The following CERKL variants were observed in gnomAD, a reference collection of about 807,000 sequenced individuals.
CERKL encodes the protein ceramide kinase-like protein.
CERKL carries 61 observed loss-of-function variants against 63.4 expected under a neutral mutation model. That is an observed-to-expected ratio of 0.96 (90% confidence interval 0.78 to 1.19). The LOEUF is 1.19. Among genes scored for constraint, CERKL ranks in the 50% most tolerant of loss-of-function variants. The probability of loss-of-function intolerance (pLI) is 0.00; values close to 1 mark genes in which losing one functional copy is unlikely to be tolerated. For missense variants in CERKL, 675 were observed against 655.5 expected (o/e 1.03, Z -0.33); for synonymous variants, 250 against 230.5 (o/e 1.08, Z -0.77).
At chr2:181,578,213 CAT>C (rs1282459319) in intron 2 of CERKL, among the ~76,000 whole-genome samples, 12 of 151,298 alleles carry the variant, frequency 7.9e-5, no homozygotes, top group African/African-American at 1.9e-4. Flanking sequence ...TATATACACA[CAT>C]ATATATACAC....
chr2:181,586,136 G>GA (rs572299915), intron 2 of CERKL, among the ~76,000 whole-genome samples: 98 of 151,362 alleles, frequency 6.5e-4, no homozygotes, highest in African/African-American at 2.2e-3. Context: ...AGGAAGGTAA[G>GA]AAAAAAAAGC....
intron 1 of CERKL, among the ~76,000 whole-genome samples, chr2:181,635,809 C>T (rs1408342072): frequency 2.0e-5 from 3 of 152,116 alleles, no homozygotes; most frequent in African/African-American, 7.2e-5. Context: ...GTATGAACAG[C>T]TATTTTCCAC....
At chr2:181,577,867 AAAGGAGCAAT>A (rs1684322788) in intron 2 of CERKL, among the ~76,000 whole-genome samples, 1 of 152,124 alleles carries the variant, frequency 6.6e-6, no homozygotes, top group African/African-American at 2.4e-5. Context: ...CAAAGCTGGG[AAAGGAGCAAT>A]GCTGCCTGGA....
chr2:181,593,637 C>T (rs1022145354), intron 2 of CERKL, among the ~76,000 whole-genome samples: 1 of 151,800 alleles, frequency 6.6e-6, no homozygotes, highest in Non-Finnish European at 1.5e-5. Context: ...GTTCTGTTCC[C>T]TTAGATTTCA....
intron 1 of CERKL, among the ~76,000 whole-genome samples, chr2:181,648,087 T>C (rs559885367): frequency 6.6e-6 from 1 of 152,282 alleles, no homozygotes; most frequent in African/African-American, 2.4e-5. Flanking sequence ...TGGAGAAAAG[T>C]TGAAGAAAGG....
At chr2:181,586,374 T>C (rs1243699826) in intron 2 of CERKL, among the ~76,000 whole-genome samples, 8 of 152,054 alleles carry the variant, frequency 5.3e-5, no homozygotes, top group Non-Finnish European at 1.2e-4. Flanking sequence ...CTTGCTCTGC[T>C]CTCATCCAAT....
chr2:181,548,197 T>G (rs1687818810), intron 8 of CERKL: 1 of 519,364 alleles, frequency 1.9e-6, no homozygotes, highest in African/African-American at 1.9e-5. Flanking sequence ...ATTGTTGTAT[T>G]CAAAGTGCCT....
chr2:181,653,312 A>C (rs1688016221), intron 1 of CERKL, among the ~76,000 whole-genome samples: 1 of 152,218 alleles, frequency 6.6e-6, no homozygotes, highest in Admixed American at 6.5e-5. Flanking sequence ...CGGTGGTATG[A>C]TTGTAAACTA....
In CERKL at chr2:181,556,929, C is replaced by T. The variant is rs548268083; in HGVS notation, c.820+1637G>A. Reference sequence around the variant, plus strand: ...TGTTGTTTCCTGACTTTTTAATGATCACCATTCTACCTGGGGTGAGATGAT... The same window carrying T: ...TGTTGTTTCCTGACTTTTTAATGATTACCATTCTACCTGGGGTGAGATGAT... On this transcript the variant is annotated intron_variant, in intron 5 of 12. Coordinates refer to ENST00000410087, the MANE Select transcript of CERKL (RefSeq NM_201548.5). Among the ~76,000 whole-genome samples the T allele has an allele frequency of 2.6e-5, 4 of 152,244 alleles. No homozygotes were observed. The East Asian group carries it at 5.8e-4, about 22-fold the overall frequency.
At chr2:181,643,514 A>ATG (rs1687537896) in intron 1 of CERKL, among the ~76,000 whole-genome samples, 1 of 152,244 alleles carries the variant, frequency 6.6e-6, no homozygotes, top group Non-Finnish European at 1.5e-5. Context: ...CACAAATCAT[A>ATG]ATGAGCATTT....
chr2:181,554,269 C>G (rs1462480543), intron 5 of CERKL, among the ~76,000 whole-genome samples: 2 of 151,472 alleles, frequency 1.3e-5, no homozygotes, highest in East Asian at 3.9e-4. Flanking sequence ...CTGTTAATGT[C>G]TCCCACATCC....
intron 5 of CERKL, among the ~76,000 whole-genome samples, chr2:181,556,606 G>C (rs899586133): frequency 1.1e-4 from 16 of 152,240 alleles, no homozygotes; most frequent in Admixed American, 9.8e-4. Flanking sequence ...GTATTCCATG[G>C]TGTATATATG....
In CERKL at chr2:181,599,089, A is replaced by G. The variant is rs919186299; in HGVS notation, c.481+4748T>C. On this transcript the variant is annotated intron_variant, in intron 2 of 12. Transcript: ENST00000410087. ...ACTAAAAAAACAAAATATGTATTGC[A>G]AGGAAACTCAGTGAGAGCCAAGAGA... Among the ~76,000 whole-genome samples the G allele has an allele frequency of 4.6e-5, 7 of 152,220 alleles. No individual in the cohort carries two copies. In the South Asian group the frequency reaches 1.4e-3, roughly 32 times the overall value.
rs1472885040 is a variant in CERKL at position 181,656,825 on chromosome 2, A to T, written c.182T>A (p.Val61Glu). 1.9e-6 allele frequency: 3 copies of T among 1,599,922 alleles called. No homozygotes were observed. The highest frequency in any genetic ancestry group is 3.4e-5 in the Admixed American group (2 of 59,534). ...CCGCAGTGCTCGCTCGCTCAGCACC[A>T]CGTCACAACTGTCCCTCCCGATCTC... Reference protein sequence around the residue: ...IFEIGRDSCDVVLSERALRWR... With the variant: ...IFEIGRDSCDEVLSERALRWR... The change falls in exon 1 of 13, where the codon GTG (valine) becomes GAG (glutamate). Residue 61 changes from valine (V) to glutamate (E), a missense_variant. Coordinates refer to ENST00000410087, the MANE Select transcript of CERKL (RefSeq NM_201548.5).
At chr2:181,613,344 T>C (rs140194628) in intron 1 of CERKL, among the ~76,000 whole-genome samples, 1 of 152,318 alleles carries the variant, frequency 6.6e-6, no homozygotes, top group East Asian at 1.9e-4. Context: ...TATGTATAAA[T>C]TAACTGAAGA....
intron 1 of CERKL, among the ~76,000 whole-genome samples, chr2:181,647,928 C>T (rs146398304): frequency 5.5e-4 from 84 of 151,790 alleles, no homozygotes; most frequent in African/African-American, 2.0e-3. Flanking sequence ...CTGAAGAATG[C>T]AGTGAATAAA....
chr2:181,602,383 C>T (rs373907062), intron 2 of CERKL, among the ~76,000 whole-genome samples: 8 of 152,164 alleles, frequency 5.3e-5, no homozygotes, highest in African/African-American at 1.9e-4. Context: ...TATTAATTTT[C>T]ATTTTTACTT....
intron 3 of CERKL, among the ~76,000 whole-genome samples, chr2:181,568,059 A>T (rs1039317576): frequency 6.6e-6 from 1 of 152,168 alleles, no homozygotes; most frequent in Non-Finnish European, 1.5e-5. Context: ...CTTTGAACAC[A>T]ATTCTCACTG....
In CERKL at chr2:181,656,873, C is replaced by T. The variant is rs568128856; in HGVS notation, c.134G>A (p.Arg45Gln). The T allele has an allele frequency of 4.0e-5, 64 of 1,605,478 alleles. No individual in the cohort carries two copies. The African/African-American group carries it at 5.5e-4, about 14-fold the overall frequency. Reference protein sequence around the residue: ...SPQQTEAAAERILLRGIFEIG... With the variant: ...SPQQTEAAAEQILLRGIFEIG... ...CTCGAAGATGCCCCGGAGCAGAATC[C>T]GCTCGGCCGCCGCCTCCGTCTGCTG... The change falls in exon 1 of 13, where the codon CGG (arginine) becomes CAG (glutamine). Residue 45 changes from arginine (R) to glutamine (Q), a missense_variant. Transcript: ENST00000410087.
Sources: allele counts gnomAD v4.1 joint callset (sites outside exome capture counted in the v4.1 genomes callset), GRCh38; gene constraint gnomAD v4.1.1; transcripts MANE v1.5; gene names NCBI Gene and HGNC (gene_info 2026-07-23, HGNC 2026-07-21).